The following ADAMTSL1 variants were observed in gnomAD, a reference collection of about 807,000 sequenced individuals.
ADAMTSL1 encodes ADAMTS like 1.
ADAMTSL1 carries 126 observed loss-of-function variants against 201.8 expected under a neutral mutation model. The ratio of observed to expected loss-of-function variants is 0.62; its 90% confidence interval spans 0.54 to 0.72. The LOEUF is 0.72. Ranked by LOEUF, ADAMTSL1 falls within the 30% of genes least tolerant of loss-of-function variation. The pLI, the probability that ADAMTSL1 is intolerant of heterozygous loss-of-function variation, is 0.00. For synonymous variants in ADAMTSL1, 1,121 were observed against 903.4 expected, an observed-to-expected ratio of 1.24 and a Z score of -4.32; for missense variants, 2,679 against 2,277.8, an observed-to-expected ratio of 1.18 and a Z score of -3.59.
intron 1 of ADAMTSL1, among the ~76,000 whole-genome samples, chr9:18,163,145 AG>A (rs1441755026): frequency 6.6e-6 from 1 of 151,996 alleles, no homozygotes; most frequent in Non-Finnish European, 1.5e-5. Flanking sequence ...TAAAATGAAA[AG>A]ATGAGAGTTT....
intron 9 of ADAMTSL1, among the ~76,000 whole-genome samples, chr9:18,663,137 G>C (rs1290375985): frequency 6.6e-6 from 1 of 152,000 alleles, no homozygotes; most frequent in Non-Finnish European, 1.5e-5. Context: ...TTTGTTTTCT[G>C]CTGTCAATTT....
chr9:18,389,843 A>G (rs556686670), intron 2 of ADAMTSL1, among the ~76,000 whole-genome samples: 13 of 152,302 alleles, frequency 8.5e-5, no homozygotes, highest in African/African-American at 2.9e-4. Flanking sequence ...AAGTCCAAAT[A>G]TTTACAGATA....
chr9:18,879,003 C>T (rs1355476812), intron 23 of ADAMTSL1, among the ~76,000 whole-genome samples: 2 of 152,274 alleles, frequency 1.3e-5, no homozygotes, highest in East Asian at 3.9e-4. Flanking sequence ...ACAATGGAAC[C>T]AGCTGCACTG....
intron 1 of ADAMTSL1, among the ~76,000 whole-genome samples, chr9:18,150,047 G>A (rs1826840247): frequency 6.6e-6 from 1 of 152,072 alleles, no homozygotes; most frequent in African/African-American, 2.4e-5. Flanking sequence ...GAATTATTCA[G>A]TTAGAGGTTC....
At chr9:18,236,096 C>G (rs370281946) in intron 2 of ADAMTSL1, among the ~76,000 whole-genome samples, 1 of 152,012 alleles carries the variant, frequency 6.6e-6, no homozygotes, top group African/African-American at 2.4e-5. Flanking sequence ...TAATCAGTAC[C>G]CTCACCCAAA....
chr9:18,478,547 T>G (rs1821574487), intron 1 of ADAMTSL1, among the ~76,000 whole-genome samples: 1 of 152,202 alleles, frequency 6.6e-6, no homozygotes, highest in African/African-American at 2.4e-5. Context: ...TTCTGTTTCT[T>G]TGGTCAAGTG....
At chr9:18,473,153 C>T (rs552377493), upstream of ADAMTSL1, among the ~76,000 whole-genome samples, 1 of 152,112 alleles carries the variant, frequency 6.6e-6, no homozygotes, top group African/African-American at 2.4e-5. Context: ...CTCAGTTCAG[C>T]CTTTTCTGCA....
intron 1 of ADAMTSL1, among the ~76,000 whole-genome samples, chr9:18,078,093 A>T (rs923094649): frequency 2.6e-5 from 4 of 152,246 alleles, no homozygotes; most frequent in African/African-American, 7.2e-5. Context: ...CCTGCTACAC[A>T]GATAAAAGTA....
At chr9:18,413,316 C>T (rs1017871467) in intron 2 of ADAMTSL1, among the ~76,000 whole-genome samples, 1 of 151,974 alleles carries the variant, frequency 6.6e-6, no homozygotes, top group African/African-American at 2.4e-5. Flanking sequence ...AAGCGCCCGC[C>T]ACCACACCTG....
At position 18,289,165 on chromosome 9, in the gene ADAMTSL1, CTATCTAT is replaced by C. The variant is rs1563861560; in HGVS notation, c.207+125185_207+125191del. Among the ~76,000 whole-genome samples the C allele has an allele frequency of 5.6e-5, 7 of 124,906 alleles. No homozygotes were observed. The East Asian group carries it at 1.1e-3, about 19-fold the overall frequency. 81.9% of individuals were successfully genotyped at this position (124,906 alleles called of 152,430 possible). On this transcript the variant is annotated intron_variant, in intron 2 of 29. Coordinates refer to the ADAMTSL1 transcript ENST00000680146. Reference sequence around the variant, plus strand: ...TCTATCTATCTATCTATCTATCTATCTATCTATCTACCTACCTATCTATCTATAGAGA... The same window carrying C: ...TCTATCTATCTATCTATCTATCTATCCTACCTACCTATCTATCTATAGAGA...
intron 23 of ADAMTSL1, among the ~76,000 whole-genome samples, chr9:18,849,604 C>T (rs553171802): frequency 6.6e-5 from 10 of 152,182 alleles, no homozygotes; most frequent in South Asian, 6.2e-4. Context: ...ACAGGGATGC[C>T]GGGAAGGGGA....
At chr9:18,646,001 C>T (rs1439518374) in intron 7 of ADAMTSL1, among the ~76,000 whole-genome samples, 5 of 152,002 alleles carry the variant, frequency 3.3e-5, no homozygotes, top group African/African-American at 4.8e-5. Context: ...TTTCATGATA[C>T]TGATTCTTCC....
intron 2 of ADAMTSL1, among the ~76,000 whole-genome samples, chr9:18,306,515 G>T (rs1489886768): frequency 6.6e-6 from 1 of 152,138 alleles, no homozygotes; most frequent in South Asian, 2.1e-4. Flanking sequence ...TGATGGAGCT[G>T]AAAAACACAG....
At chr9:18,248,874 G>C (rs150201873) in intron 2 of ADAMTSL1, among the ~76,000 whole-genome samples, 1 of 152,248 alleles carries the variant, frequency 6.6e-6, no homozygotes, top group African/African-American at 2.4e-5. Flanking sequence ...TTACATAGTT[G>C]AATAAATCTC....
At chr9:18,237,711 T>G (rs1302884001) in intron 2 of ADAMTSL1, among the ~76,000 whole-genome samples, 1 of 152,244 alleles carries the variant, frequency 6.6e-6, no homozygotes, top group Non-Finnish European at 1.5e-5. Flanking sequence ...TGTGCTCTGA[T>G]GCATTTGAAA....
At chr9:18,215,821 C>A (rs996173185) in intron 2 of ADAMTSL1, among the ~76,000 whole-genome samples, 20 of 152,180 alleles carry the variant, frequency 1.3e-4, no homozygotes, top group African/African-American at 4.6e-4. Context: ...ACGGAGAACT[C>A]TGATTCACTG....
intron 5 of ADAMTSL1, among the ~76,000 whole-genome samples, chr9:18,622,853 G>A (rs990868836): frequency 1.3e-5 from 2 of 152,100 alleles, no homozygotes; most frequent in Admixed American, 1.3e-4. Context: ...ATTACGTGAC[G>A]TTTTGGATTT....
chr9:18,782,936 T>C (rs1563797539), intron 19 of ADAMTSL1, among the ~76,000 whole-genome samples: 2 of 152,134 alleles, frequency 1.3e-5, no homozygotes, highest in African/African-American at 4.8e-5. Context: ...GTTGTGAGGG[T>C]AACTGGAGAC....
intron 2 of ADAMTSL1, among the ~76,000 whole-genome samples, chr9:18,270,729 C>G (rs1229973058): frequency 6.6e-6 from 1 of 152,174 alleles, no homozygotes; most frequent in African/African-American, 2.4e-5. Flanking sequence ...TGTTCCCCTT[C>G]CACAAGAGTT....
Sources: gnomAD v4.1 joint callset for allele counts (sites outside exome capture counted in the v4.1 genomes callset) on GRCh38, gnomAD v4.1.1 for gene constraint, MANE v1.5 for transcripts, NCBI Gene and HGNC (gene_info 2026-07-23, HGNC 2026-07-21) for gene names.